GATAD2A: variants seen among roughly 807,000 people sequenced by gnomAD.
GATAD2A encodes the protein GATA zinc finger domain containing 2A, also known as transcriptional repressor p66-alpha.
A neutral mutation model predicts 68.5 loss-of-function variants in GATAD2A; 12 were observed. That is an observed-to-expected ratio of 0.18 (90% CI 0.11 to 0.28). The LOEUF (loss-of-function observed/expected upper bound fraction) is 0.28, where lower values mean the gene tolerates loss of function less well. GATAD2A is among the 10% of genes least tolerant of loss of function. GATAD2A has a pLI of 1.00. For missense variants in GATAD2A, 755 were observed against 868.5 expected (o/e 0.87, Z 1.64); for synonymous variants, 410 against 375.3 (o/e 1.09, Z -1.07).
At chr19:19,447,967 T>C (rs980685141) in intron 1 of GATAD2A, among the ~76,000 whole-genome samples, 1 of 152,250 alleles carries the variant, frequency 6.6e-6, no homozygotes, top group African/African-American at 2.4e-5. Context: ...GGGCCACAGC[T>C]TCGCCTGGCT....
chr19:19,408,315 C>G (rs2147072795), intron 1 of GATAD2A, among the ~76,000 whole-genome samples: 1 of 152,288 alleles, frequency 6.6e-6, no homozygotes, highest in South Asian at 2.1e-4. Context: ...CAGATGACAT[C>G]ATTTTTTAAA....
chr19:19,492,752 C>T (rs375517742), intron 4 of GATAD2A, 40 bp downstream of exon 4: 39 of 1,607,686 alleles, frequency 2.4e-5, no homozygotes, highest in South Asian at 2.2e-4. Flanking sequence ...CCAGCAGGAG[C>T]GCCTGGCCTT....
chr19:19,498,660 A>G lies in GATAD2A; in HGVS notation c.1142A>G (p.Asn381Ser). 1 of 1,613,942 alleles carries G rather than the reference A, an allele frequency of 6.2e-7. No homozygotes were observed. The highest frequency in any genetic ancestry group is 8.5e-7 in the Non-Finnish European group (1 of 1,179,994). Residue 381 changes from asparagine to serine, a missense_variant, in exon 8 of 12, where the codon AAC becomes AGC. By Grantham distance (46) the Asn-to-Ser change is conservative. Coordinates refer to ENST00000683918, the MANE Select transcript of GATAD2A (RefSeq NM_001384528.1). ...PEMNFLPSAA[N>S]NEFIYLVGLE... Reference sequence around the variant, plus strand: ...ATGAACTTCCTGCCCAGCGCCGCCAACAACGAGTTCATCTACCTGGTCGGC... The same window carrying G: ...ATGAACTTCCTGCCCAGCGCCGCCAGCAACGAGTTCATCTACCTGGTCGGC...
intron 1 of GATAD2A, among the ~76,000 whole-genome samples, chr19:19,393,176 G>A (rs912875525): frequency 5.3e-5 from 8 of 152,152 alleles, no homozygotes; most frequent in Admixed American, 5.2e-4. Context: ...GGTGGCACAT[G>A]CCTGTAATCC....
chr19:19,393,462 A>G (rs772201115), intron 1 of GATAD2A, among the ~76,000 whole-genome samples: 2 of 152,226 alleles, frequency 1.3e-5, no homozygotes, highest in South Asian at 2.1e-4. Flanking sequence ...TATGCGAACA[A>G]ATAATTCAGG....
chr19:19,419,237 G>A (rs1211950982), intron 1 of GATAD2A, among the ~76,000 whole-genome samples: 1 of 152,238 alleles, frequency 6.6e-6, no homozygotes, highest in Non-Finnish European at 1.5e-5. Context: ...GCATGCATGT[G>A]TGTCACAATG....
At chr19:19,474,168 G>A in intron 2 of GATAD2A, 1 of 985,108 alleles carries the variant, frequency 1.0e-6, no homozygotes, top group Non-Finnish European at 1.2e-6. Flanking sequence ...CACGGATAGA[G>A]TGAGTCCTTC....
rs527524099 is a variant in GATAD2A at position 19,439,366 on chromosome 19, T to C, written c.-6-25974T>C. 9.2e-5 allele frequency among the ~76,000 whole-genome samples: 14 copies of C among 152,332 alleles called. No homozygotes were observed. In the South Asian group the frequency reaches 2.9e-3, roughly 32 times the overall value. The stretch of plus-strand genomic sequence containing the variant: ...ACAGGACAGGTAATGCACATGGGCC[T>C]GGACCAAGGTGTGAATGATGCTCAG... On this transcript the variant is annotated intron_variant, in intron 1 of 11. Coordinates refer to ENST00000683918, the MANE Select transcript of GATAD2A (RefSeq NM_001384528.1).
intron 2 of GATAD2A, among the ~76,000 whole-genome samples, chr19:19,486,514 TGATCTGACAGCAG>T (rs1446699506): frequency 6.6e-6 from 1 of 152,238 alleles, no homozygotes; most frequent in African/African-American, 2.4e-5. Context: ...AGGCAGCATG[TGATCTGACAGCAG>T]GATGCTCCCG....
chr19:19,496,121 G>T lies in GATAD2A; in HGVS notation c.826G>T (p.Val276Leu). 1 of 1,613,606 alleles carries T rather than the reference G, an allele frequency of 6.2e-7. No individual in the cohort carries two copies. Among genetic ancestry groups the T allele is most frequent in the East Asian group, 2.2e-5 (1 of 44,884 alleles). The change falls in exon 7 of 12, where the codon GTG becomes TTG. Residue 276 changes from valine (V) to leucine (L), a missense_variant. By Grantham distance (32) the Val-to-Leu change is conservative (BLOSUM62 1). Coordinates refer to ENST00000683918, the MANE Select transcript of GATAD2A (RefSeq NM_001384528.1). Reference sequence around the variant, plus strand: ...CCTCCTCCTGGCCCCCCGGGCGTCGGTGCCCAGTGTGCAGATTCAGGGACA... The same window carrying T: ...CCTCCTCCTGGCCCCCCGGGCGTCGTTGCCCAGTGTGCAGATTCAGGGACA... ...PPLLLAPRAS[V>L]PSVQIQGQRI...
intron 1 of GATAD2A, among the ~76,000 whole-genome samples, chr19:19,453,199 T>C (rs1447461718): frequency 6.6e-6 from 1 of 152,182 alleles, no homozygotes; most frequent in Non-Finnish European, 1.5e-5. Context: ...GCCCTGTGCT[T>C]TTCCTTAGGG....
intron 1 of GATAD2A, among the ~76,000 whole-genome samples, chr19:19,429,452 C>T (rs1156407915): frequency 6.6e-6 from 1 of 152,074 alleles, no homozygotes; most frequent in African/African-American, 2.4e-5. Flanking sequence ...TTCACATGCA[C>T]GTAGCGCACT....
At chr19:19,470,150 T>A (rs1195641181) in intron 2 of GATAD2A, among the ~76,000 whole-genome samples, 1 of 136,874 alleles carries the variant, frequency 7.3e-6, no homozygotes, top group Admixed American at 7.2e-5. Flanking sequence ...TTTATTTTTT[T>A]TTTTGTTTTT....
At chr19:19,399,755 G>C (rs2049562758) in intron 1 of GATAD2A, among the ~76,000 whole-genome samples, 1 of 152,134 alleles carries the variant, frequency 6.6e-6, no homozygotes, top group African/African-American at 2.4e-5. Context: ...ACTATAAATG[G>C]GGGGTTTGGG....
rs190820091 is a variant in GATAD2A, at chr19:19,504,436, G to A, written c.1775-908G>A. Among the ~76,000 whole-genome samples, 18 of 152,220 alleles carry A rather than the reference G, an allele frequency of 1.2e-4. No individual in the cohort carries two copies. In the East Asian group the frequency reaches 3.5e-3, roughly 29 times the overall value. ...TCCCCTTCACTTGAGGGTCCTTTGTGGAAATGTGTGTCTTGCGTTGGCTAC... is the reference window on the plus strand; with the variant it reads ...TCCCCTTCACTTGAGGGTCCTTTGTAGAAATGTGTGTCTTGCGTTGGCTAC... On this transcript the variant is annotated intron_variant, in intron 11 of 11. Transcript: ENST00000683918.
chr19:19,461,640 TTTTTGGCCCC>T (rs1478308462), intron 1 of GATAD2A, among the ~76,000 whole-genome samples: 1 of 152,234 alleles, frequency 6.6e-6, no homozygotes, highest in African/African-American at 2.4e-5. Context: ...GAACCTGTCC[TTTTTGGCCCC>T]TAGTTGAGGA....
intron 1 of GATAD2A, 119 bp downstream of exon 1, chr19:19,406,138 C>T (rs1268833252): frequency 3.3e-5 from 5 of 151,846 alleles, no homozygotes; most frequent in South Asian, 2.1e-4. Flanking sequence ...CCTGCATGAG[C>T]GTGGAAAAGT....
intron 2 of GATAD2A, among the ~76,000 whole-genome samples, chr19:19,466,696 C>G (rs1441381618): frequency 6.6e-6 from 1 of 152,216 alleles, no homozygotes; most frequent in African/African-American, 2.4e-5. Flanking sequence ...TTGACAAAGC[C>G]TCCTAGTCTG....
At chr19:19,474,019 T>G (rs1690906799) in intron 2 of GATAD2A, 2 of 984,332 alleles carry the variant, frequency 2.0e-6, no homozygotes, top group Non-Finnish European at 2.4e-6. Flanking sequence ...TAATGTGATA[T>G]TGCTTCTTCC....
Sources: allele counts gnomAD v4.1 joint callset (sites outside exome capture counted in the v4.1 genomes callset), GRCh38; gene constraint gnomAD v4.1.1; transcripts MANE v1.5; gene names NCBI Gene and HGNC (gene_info 2026-07-23, HGNC 2026-07-21).